Variants in RNF150 observed in about 807,000 individuals in gnomAD.
The protein encoded by RNF150 is ring finger protein 150.
A neutral mutation model predicts 39.3 loss-of-function variants in RNF150; 24 were observed. That is an observed-to-expected ratio of 0.61 (90% CI 0.44 to 0.86). The LOEUF (loss-of-function observed/expected upper bound fraction) is 0.86. RNF150 is among the 40% of genes least tolerant of loss of function. The probability of loss-of-function intolerance (pLI) is 0.00; values close to 1 mark genes in which losing one functional copy is unlikely to be tolerated. For missense variants in RNF150, 502 were observed against 587.8 expected (o/e 0.85, Z 1.51); for synonymous variants, 255 against 227.3 (o/e 1.12, Z -1.10).
chr4:141,083,043 G>A (rs1738221077), intron 1 of RNF150, among the ~76,000 whole-genome samples: 1 of 152,088 alleles, frequency 6.6e-6, no homozygotes, highest in Non-Finnish European at 1.5e-5. Context: ...TAGACCCCCT[G>A]AAGATGTTTA....
intron 1 of RNF150, among the ~76,000 whole-genome samples, chr4:141,023,261 T>G (rs929213722): frequency 1.3e-5 from 2 of 151,408 alleles, no homozygotes; most frequent in Non-Finnish European, 2.9e-5. Context: ...TGATGATGTT[T>G]GAGTGATGGA....
At chr4:140,872,090 T>G (rs1453604851) in intron 6 of RNF150, among the ~76,000 whole-genome samples, 1 of 152,244 alleles carries the variant, frequency 6.6e-6, no homozygotes, top group African/African-American at 2.4e-5. Context: ...CTTGGTTTGT[T>G]CCATAATTTT....
intron 2 of RNF150, among the ~76,000 whole-genome samples, chr4:140,959,759 C>T (rs1732940733): frequency 1.3e-5 from 2 of 151,980 alleles, no homozygotes; most frequent in African/African-American, 4.8e-5. Flanking sequence ...ACTGGGAAGG[C>T]AAGGTGTAAG....
At chr4:140,918,532 G>A (rs959988667) in intron 5 of RNF150, among the ~76,000 whole-genome samples, 1 of 152,026 alleles carries the variant, frequency 6.6e-6, no homozygotes, top group African/African-American at 2.4e-5. Flanking sequence ...CTGAAATTGT[G>A]GCAATAATCA....
At chr4:140,935,375 T>C (rs1216778011) in intron 4 of RNF150, among the ~76,000 whole-genome samples, 2 of 151,936 alleles carry the variant, frequency 1.3e-5, no homozygotes, top group African/African-American at 4.8e-5. Context: ...CTTAACTCTG[T>C]TCTAATTATA....
chr4:141,027,952 T>TTTTTTG lies in RNF150; in HGVS notation c.485-60080_485-60079insCAAAAA, dbSNP rs1553938684. ...TTTTTTTTTTTTTTTTTTTTTTTTT[T>TTTTTTG]CAATCCTGCTGGATCAAGATGTATA... is the stretch of plus-strand genomic sequence containing the variant. On this transcript the variant is annotated intron_variant, in intron 1 of 6. Transcript: ENST00000515673. Among the ~76,000 whole-genome samples the TTTTTTG allele has an allele frequency of 1.8e-3, 126 of 71,590 alleles. 37 individuals are homozygous for TTTTTTG. Among genetic ancestry groups the TTTTTTG allele is most frequent in the Non-Finnish European group, 2.8e-3 (95 of 34,316 alleles). 47.0% of individuals were successfully genotyped at this position (71,590 alleles called of 152,430 possible).
chr4:141,115,775 T>C (rs183708432), intron 1 of RNF150, among the ~76,000 whole-genome samples: 43 of 152,300 alleles, frequency 2.8e-4, no homozygotes, highest in Middle Eastern at 3.4e-3. Flanking sequence ...AACAGCATGG[T>C]ACGGATACCA....
intron 1 of RNF150, among the ~76,000 whole-genome samples, chr4:141,082,404 G>T (rs1738185379): frequency 6.6e-6 from 1 of 152,116 alleles, no homozygotes; most frequent in African/African-American, 2.4e-5. Context: ...ATAGTTATAT[G>T]CACCATTACT....
chr4:141,146,176 G>T (rs151179556), intron 1 of RNF150, among the ~76,000 whole-genome samples: 1 of 152,182 alleles, frequency 6.6e-6, no homozygotes, highest in East Asian at 1.9e-4. Context: ...ATCAGAAATA[G>T]GATCGGTTCT....
chr4:140,971,353 C>T lies in RNF150; in HGVS notation c.485-3480G>A, dbSNP rs898158852. On this transcript the variant is annotated intron_variant, in intron 1 of 6. Transcript: ENST00000515673. Reference sequence around the variant, plus strand: ...TCAATGCTGCCTTAAGTAGCTACTACGCATCTATGACATTCCAAGGCTCAG... The same window carrying T: ...TCAATGCTGCCTTAAGTAGCTACTATGCATCTATGACATTCCAAGGCTCAG... 5.3e-5 allele frequency among the ~76,000 whole-genome samples: 8 copies of T among 152,108 alleles called. No individual in the cohort carries two copies. The East Asian group carries it at 5.8e-4, about 11-fold the overall frequency.
At chr4:141,052,966 C>T (rs1441456497) in intron 1 of RNF150, among the ~76,000 whole-genome samples, 1 of 152,200 alleles carries the variant, frequency 6.6e-6, no homozygotes, top group African/African-American at 2.4e-5. Context: ...CAGACATGTA[C>T]ATGGCTTGCT....
chr4:141,071,383 T>TAA (rs149908004), intron 1 of RNF150, among the ~76,000 whole-genome samples: 4 of 150,628 alleles, frequency 2.7e-5, no homozygotes, highest in African/African-American at 7.3e-5. Flanking sequence ...AAAGTATAAT[T>TAA]AAAAAAAAAT....
intron 1 of RNF150, among the ~76,000 whole-genome samples, chr4:141,125,701 T>C (rs1315916505): frequency 6.6e-6 from 1 of 152,210 alleles, no homozygotes; most frequent in Non-Finnish European, 1.5e-5. Flanking sequence ...ATCACTGTTT[T>C]CTGAAAACTG....
intron 1 of RNF150, among the ~76,000 whole-genome samples, chr4:140,992,219 G>T (rs772563743): frequency 5.3e-5 from 8 of 151,850 alleles, no homozygotes; most frequent in Non-Finnish European, 7.4e-5. Flanking sequence ...GTTAATTGGG[G>T]AGCCAGGTGT....
At chr4:141,195,127 C>CACACACA (rs59341151) in intron 1 of RNF150, among the ~76,000 whole-genome samples, 1 of 151,472 alleles carries the variant, frequency 6.6e-6, no homozygotes, top group South Asian at 2.1e-4. Context: ...CACACACACA[C>CACACACA]CTGTGCACAA....
chr4:140,948,060 A>G (rs1732393956), intron 3 of RNF150, among the ~76,000 whole-genome samples: 1 of 152,238 alleles, frequency 6.6e-6, no homozygotes, highest in Non-Finnish European at 1.5e-5. Flanking sequence ...TCATCTGAAT[A>G]ATATTTAATC....
chr4:141,063,652 T>C (rs924742275), intron 1 of RNF150, among the ~76,000 whole-genome samples: 1 of 152,178 alleles, frequency 6.6e-6, no homozygotes, highest in African/African-American at 2.4e-5. Flanking sequence ...ATTATAGCTT[T>C]TCAAGAAGGA....
intron 1 of RNF150, among the ~76,000 whole-genome samples, chr4:140,977,799 T>A (rs1484185035): frequency 6.6e-6 from 1 of 152,172 alleles, no homozygotes; most frequent in Non-Finnish European, 1.5e-5. Context: ...AATATCCATA[T>A]TACACTAAAT....
chr4:141,184,908 A>G (rs1453362219), intron 1 of RNF150, among the ~76,000 whole-genome samples: 6 of 149,796 alleles, frequency 4.0e-5, no homozygotes, highest in Non-Finnish European at 7.4e-5. Flanking sequence ...TATCATTACC[A>G]TGCTGTTTGG....
Sources: allele counts gnomAD v4.1 joint callset (sites outside exome capture counted in the v4.1 genomes callset), GRCh38; gene constraint gnomAD v4.1.1; transcripts MANE v1.5; gene names NCBI Gene and HGNC (gene_info 2026-07-23, HGNC 2026-07-21).